MLLT3: variants seen among roughly 807,000 people sequenced by gnomAD.
The protein encoded by MLLT3 is protein AF-9.
Under a neutral mutation model 53.2 loss-of-function variants are expected in MLLT3, and 4 were observed. That is an observed-to-expected ratio of 0.08 (90% CI 0.04 to 0.17). MLLT3 has a LOEUF of 0.17. Ranked by LOEUF, MLLT3 falls within the 10% of genes least tolerant of loss-of-function variation. The probability of loss-of-function intolerance (pLI) is 1.00; values close to 1 mark genes in which losing one functional copy is unlikely to be tolerated. For missense variants in MLLT3, 569 were observed against 684.0 expected (o/e 0.83, Z 1.87); for synonymous variants, 283 against 230.6 (o/e 1.23, Z -2.06).
intron 2 of MLLT3, among the ~76,000 whole-genome samples, chr9:20,616,563 T>C (rs561864387): frequency 5.9e-5 from 9 of 152,270 alleles, no homozygotes; most frequent in African/African-American, 2.2e-4. Context: ...AGTAAGAGTT[T>C]GATGCCCGCT....
intron 10 of MLLT3, 49 bp downstream of exon 10, chr9:20,353,476 C>T (rs1563933139): frequency 1.3e-6 from 2 of 1,540,198 alleles, no homozygotes; most frequent in African/African-American, 2.7e-5. Context: ...GCAGGACAAA[C>T]CAAGTCTTGA....
chr9:20,616,610 T>C (rs1820840322), intron 2 of MLLT3, among the ~76,000 whole-genome samples: 2 of 152,200 alleles, frequency 1.3e-5, no homozygotes, highest in Admixed American at 6.5e-5. Context: ...TACACTTGTA[T>C]AGACATACGT....
chr9:20,530,577 A>G, intron 2 of MLLT3, among the ~76,000 whole-genome samples: 1 of 152,208 alleles, frequency 6.6e-6, no homozygotes, highest in East Asian at 1.9e-4. Context: ...CCGTACCTAT[A>G]TTATGTCTTG....
At chr9:20,613,038 G>T (rs569620036) in intron 2 of MLLT3, among the ~76,000 whole-genome samples, 1 of 152,216 alleles carries the variant, frequency 6.6e-6, no homozygotes, top group African/African-American at 2.4e-5. Context: ...TAGGAAAACA[G>T]AAAAGTAAAG....
At chr9:20,472,017 G>C (rs1266436216) in intron 2 of MLLT3, among the ~76,000 whole-genome samples, 2 of 151,880 alleles carry the variant, frequency 1.3e-5, no homozygotes, top group African/African-American at 2.4e-5. Context: ...ACATAAATTT[G>C]GAAGTTCTTT....
intron 2 of MLLT3, among the ~76,000 whole-genome samples, chr9:20,526,410 T>C (rs907166750): frequency 2.0e-5 from 3 of 152,196 alleles, no homozygotes; most frequent in African/African-American, 7.2e-5. Flanking sequence ...TCTGAACTTT[T>C]TATTAACAGA....
Position 20,346,222 on chromosome 9 carries a change from C to A in MLLT3, c.*221G>T. On this transcript the variant is annotated 3_prime_UTR_variant, in exon 11 of 11. Transcript: ENST00000380338. ...GATTTCCTTGGAGAGAAGAGTGGTC[C>A]GCTGAGGCTGGTTTGCTTTAACCTC... The A allele has an allele frequency of 2.3e-6, 1 of 428,932 alleles. No individual in the cohort carries two copies. The highest frequency in any genetic ancestry group is 4.1e-6 in the Non-Finnish European group (1 of 243,626). 26.6% of individuals were successfully genotyped at this position (428,932 alleles called of 1,614,324 possible).
Position 20,620,229 on chromosome 9 carries a change from G to T in MLLT3, c.193+425C>A, listed in dbSNP as rs1488862678. 6.8e-6 allele frequency among the ~76,000 whole-genome samples: 1 copy of T among 146,066 alleles called. No individual in the cohort carries two copies. Among genetic ancestry groups the T allele is most frequent in the Non-Finnish European group, 1.5e-5 (1 of 66,776 alleles). On this transcript the variant is annotated intron_variant, in intron 2 of 10. Coordinates refer to ENST00000380338, the MANE Select transcript of MLLT3 (RefSeq NM_004529.4). The surrounding 1 kb of genome is among the most constrained non-coding windows in gnomAD (Gnocchi z 6.1). ...AATACATTCTTTGCTAATAACACAG[G>T]TAAATCTTAATTTCTCTAGGAAAAC...
At chr9:20,583,120 C>A (rs1191412177) in intron 2 of MLLT3, among the ~76,000 whole-genome samples, 1 of 152,162 alleles carries the variant, frequency 6.6e-6, no homozygotes, top group East Asian at 1.9e-4. Context: ...TGGGTAAATA[C>A]AACCATTCCA....
chr9:20,495,534 T>C (rs1463356650), intron 2 of MLLT3, among the ~76,000 whole-genome samples: 1 of 152,218 alleles, frequency 6.6e-6, no homozygotes, highest in Non-Finnish European at 1.5e-5. Flanking sequence ...TTTAATTAAA[T>C]GTGGCCTTTC....
intron 2 of MLLT3, among the ~76,000 whole-genome samples, chr9:20,460,550 G>T (rs949601819): frequency 5.9e-5 from 9 of 152,070 alleles, no homozygotes; most frequent in African/African-American, 1.7e-4. Flanking sequence ...TTGTTGCAAT[G>T]AACAGGTCAG....
chr9:20,495,136 C>A (rs534478991), intron 2 of MLLT3, among the ~76,000 whole-genome samples: 2 of 152,164 alleles, frequency 1.3e-5, no homozygotes, highest in African/African-American at 4.8e-5. Context: ...AGAACTAGGC[C>A]TATATAAATC....
chr9:20,396,376 T>C (rs1822322150), intron 5 of MLLT3, among the ~76,000 whole-genome samples: 1 of 152,126 alleles, frequency 6.6e-6, no homozygotes, highest in South Asian at 2.1e-4. Flanking sequence ...TACCCTTTGA[T>C]TCACACAATT....
intron 5 of MLLT3, among the ~76,000 whole-genome samples, chr9:20,403,814 C>T (rs1436543169): frequency 6.6e-6 from 1 of 151,992 alleles, no homozygotes; most frequent in Non-Finnish European, 1.5e-5. Flanking sequence ...TGATCAGATA[C>T]TAAACTTTTT....
chr9:20,550,821 G>T (rs1380823536), intron 2 of MLLT3, among the ~76,000 whole-genome samples: 3 of 152,166 alleles, frequency 2.0e-5, no homozygotes, highest in Non-Finnish European at 4.4e-5. Flanking sequence ...GCAGTGGCAT[G>T]ATCATAGCTC....
intron 7 of MLLT3, 82 bp downstream of exon 7, chr9:20,363,394 C>G: frequency 1.3e-6 from 2 of 1,540,138 alleles, no homozygotes; most frequent in Non-Finnish European, 1.8e-6. Flanking sequence ...GTGTTTCACA[C>G]CTTTGCTGTG....
intron 4 of MLLT3, among the ~76,000 whole-genome samples, chr9:20,445,940 C>T (rs1189438240): frequency 6.6e-6 from 1 of 152,112 alleles, no homozygotes; most frequent in Non-Finnish European, 1.5e-5. Context: ...GTTAGTAACA[C>T]CATGATAGGC....
intron 2 of MLLT3, among the ~76,000 whole-genome samples, chr9:20,619,995 A>G (rs1448173297): frequency 6.6e-6 from 1 of 152,130 alleles, no homozygotes; most frequent in Non-Finnish European, 1.5e-5. Context: ...GAATCAAAGG[A>G]GCAGTCAAGT....
intron 2 of MLLT3, among the ~76,000 whole-genome samples, chr9:20,566,954 G>A (rs888038963): frequency 6.6e-6 from 1 of 152,014 alleles, no homozygotes; most frequent in Admixed American, 6.6e-5. Context: ...AGATCCATTA[G>A]GATTCTGCTA....
Sources: allele counts gnomAD v4.1 joint callset (sites outside exome capture counted in the v4.1 genomes callset), GRCh38; gene constraint gnomAD v4.1.1; non-coding constraint Gnocchi (gnomAD v3.1); transcripts MANE v1.5; gene names NCBI Gene and HGNC (gene_info 2026-07-23, HGNC 2026-07-21).